Variants in EXOC4 observed in about 807,000 individuals in gnomAD.
EXOC4 encodes the protein exocyst complex component 4, also known as SEC8-like 1.
EXOC4 carries 71 observed loss-of-function variants against 107.2 expected under a neutral mutation model. The ratio of observed to expected loss-of-function variants is 0.66; its 90% CI spans 0.55 to 0.81. The LOEUF is 0.81. Ranked by LOEUF, EXOC4 falls within the 30% of genes least tolerant of loss-of-function variation. The probability of loss-of-function intolerance (pLI) is 0.00; values close to 1 mark genes in which losing one functional copy is unlikely to be tolerated. For missense variants in EXOC4, 1,108 were observed against 1,189.6 expected, an observed-to-expected ratio of 0.93 and a Z score of 1.01; for synonymous variants, 456 against 441.2, an observed-to-expected ratio of 1.03 and a Z score of -0.42.
chr7:133,321,176 T>C (rs1795102203), intron 5 of EXOC4, among the ~76,000 whole-genome samples: 1 of 144,286 alleles, frequency 6.9e-6, no homozygotes, highest in East Asian at 1.9e-4. Flanking sequence ...AGGTGATTCC[T>C]GAGAACTTTC....
intron 15 of EXOC4, among the ~76,000 whole-genome samples, chr7:134,001,223 T>C (rs906700657): frequency 3.9e-5 from 6 of 152,168 alleles, no homozygotes; most frequent in Non-Finnish European, 2.9e-5. Context: ...ATGCCAAGAA[T>C]GTCACCTTTA....
At chr7:133,983,968 T>A (rs1158302912) in intron 14 of EXOC4, among the ~76,000 whole-genome samples, 5 of 152,190 alleles carry the variant, frequency 3.3e-5, no homozygotes, top group African/African-American at 1.2e-4. Flanking sequence ...TGAGTTTTTT[T>A]ACCAAGCCTT....
chr7:133,421,121 A>G (rs1478954109), intron 7 of EXOC4, among the ~76,000 whole-genome samples: 1 of 152,106 alleles, frequency 6.6e-6, no homozygotes, highest in Non-Finnish European at 1.5e-5. Context: ...AAGTTCTGTC[A>G]TTCTTCTCTT....
intron 9 of EXOC4, among the ~76,000 whole-genome samples, chr7:133,594,701 C>T (rs979114313): frequency 1.3e-5 from 2 of 151,830 alleles, no homozygotes; most frequent in African/African-American, 4.8e-5. Flanking sequence ...ACCATGTTGG[C>T]AAGGATGGTC....
intron 17 of EXOC4, among the ~76,000 whole-genome samples, chr7:134,013,454 G>A (rs1267059800): frequency 6.6e-6 from 1 of 152,168 alleles, no homozygotes; most frequent in Non-Finnish European, 1.5e-5. Context: ...TGACTAAAAT[G>A]TACTTTGACC....
rs117495073 is a variant in EXOC4 at position 133,819,301 on chromosome 7, C to G, written c.1734+1757C>G. Among the ~76,000 whole-genome samples the G allele has an allele frequency of 1.8e-3, 274 of 148,218 alleles. 9 individuals are homozygous for G. In the East Asian group the frequency reaches 0.047, roughly 25 times the overall value. On this transcript the variant is annotated intron_variant, in intron 11 of 17. Transcript: ENST00000253861. ...ACTTTTTTTTTTTTTGTCAAGATCC[C>G]AGATAGATCTCCCCAGTTAATCAGG...
intron 11 of EXOC4, among the ~76,000 whole-genome samples, chr7:133,886,323 A>G (rs999851407): frequency 1.3e-5 from 2 of 152,190 alleles, no homozygotes; most frequent in Non-Finnish European, 2.9e-5. Flanking sequence ...CTGTAACAGA[A>G]TATTAGTATC....
chr7:133,547,318 T>C (rs1563103844), intron 9 of EXOC4, among the ~76,000 whole-genome samples: 2 of 152,246 alleles, frequency 1.3e-5, no homozygotes, highest in Admixed American at 6.5e-5. Context: ...AAAATACTGA[T>C]GATCATCTGA....
intron 11 of EXOC4, among the ~76,000 whole-genome samples, chr7:133,860,645 G>A (rs564656317): frequency 2.4e-4 from 37 of 152,184 alleles, no homozygotes; most frequent in African/African-American, 7.9e-4. Flanking sequence ...TAAATATCCC[G>A]TATAGAGCCA....
intron 10 of EXOC4, among the ~76,000 whole-genome samples, chr7:133,631,525 A>T (rs1802590910): frequency 6.6e-6 from 1 of 152,074 alleles, no homozygotes; most frequent in Non-Finnish European, 1.5e-5. Flanking sequence ...AATAACAAAA[A>T]CTTGACTTTC....
intron 4 of EXOC4, among the ~76,000 whole-genome samples, chr7:133,310,239 G>A (rs967679526): frequency 6.6e-6 from 1 of 152,120 alleles, no homozygotes; most frequent in African/African-American, 2.4e-5. Context: ...GTCAGCAGGG[G>A]ATATGTTCCA....
At chr7:133,536,432 C>G (rs993878033) in intron 9 of EXOC4, among the ~76,000 whole-genome samples, 2 of 152,094 alleles carry the variant, frequency 1.3e-5, no homozygotes, top group African/African-American at 4.8e-5. Context: ...ATGCTCTGAT[C>G]ATACAAATAG....
intron 14 of EXOC4, among the ~76,000 whole-genome samples, chr7:133,966,666 G>C (rs1378717701): frequency 6.6e-6 from 1 of 152,152 alleles, no homozygotes; most frequent in Non-Finnish European, 1.5e-5. Flanking sequence ...TGCATCCCAG[G>C]GATGAAGCCA....
At chr7:133,297,990 A>G (rs909954243) in intron 3 of EXOC4, among the ~76,000 whole-genome samples, 4 of 152,228 alleles carry the variant, frequency 2.6e-5, no homozygotes, top group Admixed American at 6.5e-5. Context: ...GTCTGTGGCC[A>G]GATGGGAACT....
At chr7:133,673,810 G>C (rs112997902) in intron 10 of EXOC4, among the ~76,000 whole-genome samples, 2 of 152,252 alleles carry the variant, frequency 1.3e-5, no homozygotes, top group African/African-American at 4.8e-5. Flanking sequence ...ATGGCATTCT[G>C]TTACTACTCA....
intron 5 of EXOC4, among the ~76,000 whole-genome samples, chr7:133,335,565 T>C (rs1425238426): frequency 6.6e-6 from 1 of 152,226 alleles, no homozygotes; most frequent in Admixed American, 6.5e-5. Context: ...TAATACTCCA[T>C]TGTATATATA....
intron 10 of EXOC4, among the ~76,000 whole-genome samples, chr7:133,774,141 C>A (rs1206235480): frequency 6.6e-6 from 1 of 152,096 alleles, no homozygotes; most frequent in Non-Finnish European, 1.5e-5. Context: ...AATGAGCTAA[C>A]CAGCCAGGGC....
intron 6 of EXOC4, among the ~76,000 whole-genome samples, chr7:133,363,503 A>G (rs1796177513): frequency 6.6e-6 from 1 of 150,402 alleles, no homozygotes; most frequent in Non-Finnish European, 1.5e-5. Flanking sequence ...CTGGTTGTGT[A>G]TTGTCCTTTG....
At chr7:134,031,982 T>C (rs910280450) in intron 17 of EXOC4, among the ~76,000 whole-genome samples, 2 of 152,204 alleles carry the variant, frequency 1.3e-5, no homozygotes, top group Non-Finnish European at 2.9e-5. Flanking sequence ...ATCATGACTC[T>C]TTGTTGCCAC....
Sources: allele counts gnomAD v4.1 joint callset (sites outside exome capture counted in the v4.1 genomes callset), GRCh38; gene constraint gnomAD v4.1.1; transcripts MANE v1.5; gene names NCBI Gene and HGNC (gene_info 2026-07-23, HGNC 2026-07-21).